ELP4: variants seen among roughly 807,000 people sequenced by gnomAD.
ELP4 encodes the protein elongator complex protein 4.
ELP4 carries 51 observed loss-of-function variants against 48.9 expected under a neutral mutation model. The ratio of observed to expected loss-of-function variants is 1.04; its 90% CI spans 0.83 to 1.32. ELP4 has a LOEUF of 1.32. Among genes scored for constraint, ELP4 ranks in the 40% most tolerant of loss-of-function variants. The probability of loss-of-function intolerance (pLI) is 0.00; values close to 1 mark genes in which losing one functional copy is unlikely to be tolerated. For synonymous variants in ELP4, 210 were observed against 189.2 expected, an observed-to-expected ratio of 1.11 and a Z score of -0.90; for missense variants, 519 against 514.6, an observed-to-expected ratio of 1.01 and a Z score of -0.08.
At chr11:31,527,570 A>G (rs1242814837) in intron 2 of ELP4, among the ~76,000 whole-genome samples, 2 of 152,060 alleles carry the variant, frequency 1.3e-5, no homozygotes, top group African/African-American at 2.4e-5. Flanking sequence ...TGTCTCTCAT[A>G]CATCCAGAAA....
rs1245259518 is a variant in ELP4, at chr11:31,650,191, TA to T, written c.1116del (p.Lys372AsnfsTer2). The T allele has an allele frequency of 6.7e-7, 1 of 1,482,982 alleles. No homozygotes were observed. The highest frequency in any genetic ancestry group is 1.7e-5 in the Admixed American group (1 of 57,724). 91.9% of individuals were successfully genotyped at this position (1,482,982 alleles called of 1,614,324 possible). On this transcript the variant is annotated frameshift_variant, in exon 9 of 10. Transcript: ENST00000640961. LOFTEE classifies it high-confidence loss of function. The stretch of plus-strand genomic sequence containing the variant: ...AATCAGATGTCAAAGACTTAGCTTT[TA>T]AATTAAAAAGGAAGCTATTCACCAT... ...DESDVKDLAF[K>X]LKRKLFTIER...
Position 31,726,643 on chromosome 11 carries a change from G to A in ELP4, c.1144-56750G>A, listed in dbSNP as rs546912198. ...AGTAACATAGAAATCCTAATGAAGG[G>A]GCAGTGGCCAAAAAGAAAAAAAAAA... is the stretch of plus-strand genomic sequence containing the variant. On this transcript the variant is annotated intron_variant, in intron 9 of 9. Coordinates refer to ENST00000640961, the MANE Select transcript of ELP4 (RefSeq NM_019040.5). Among the ~76,000 whole-genome samples the A allele has an allele frequency of 1.3e-4, 19 of 151,948 alleles. No individual in the cohort carries two copies. The South Asian group carries it at 3.9e-3, about 32-fold the overall frequency.
chr11:31,632,549 G>A (rs1944884952), intron 7 of ELP4, 144 bp downstream of exon 7: 2 of 555,500 alleles, frequency 3.6e-6, no homozygotes, highest in Non-Finnish European at 5.9e-6. Flanking sequence ...TCTTTTGTCT[G>A]TCTTTTGTCC....
At chr11:31,652,703 G>C (rs991950555) in intron 9 of ELP4, 8 of 151,758 alleles carry the variant, frequency 5.3e-5, no homozygotes, top group Non-Finnish European at 1.2e-4. Context: ...AAGTAAAAGA[G>C]TTGAATCTGA....
intron 3 of ELP4, chr11:31,580,876 C>T (rs1957378959): frequency 6.6e-6 from 1 of 152,164 alleles, no homozygotes; most frequent in African/African-American, 2.4e-5. Context: ...GTTGCCAAGG[C>T]TGGTCTATCA....
intron 3 of ELP4, among the ~76,000 whole-genome samples, chr11:31,557,102 G>A (rs1470274656): frequency 6.6e-6 from 1 of 151,780 alleles, no homozygotes; most frequent in Non-Finnish European, 1.5e-5. Context: ...AATTGATGCA[G>A]CAACAGAACA....
intron 3 of ELP4, among the ~76,000 whole-genome samples, chr11:31,550,354 A>G (rs1592108317): frequency 6.6e-6 from 1 of 152,158 alleles, no homozygotes; most frequent in Non-Finnish European, 1.5e-5. Context: ...TGATTGTATT[A>G]ATGGTTTCCA....
At chr11:31,741,329 GACAA>G (rs1947443471) in intron 9 of ELP4, among the ~76,000 whole-genome samples, 2 of 152,220 alleles carry the variant, frequency 1.3e-5, no homozygotes, top group Admixed American at 6.5e-5. Context: ...GCAGGGCACA[GACAA>G]ACAAAAAGAC....
chr11:31,621,980 G>A (rs995893292), intron 5 of ELP4, among the ~76,000 whole-genome samples: 1 of 151,810 alleles, frequency 6.6e-6, no homozygotes, highest in Non-Finnish European at 1.5e-5. Context: ...CCTCAGAATG[G>A]TCTTAAAATC....
At chr11:31,547,768 C>T (rs182604031) in intron 3 of ELP4, among the ~76,000 whole-genome samples, 2 of 152,308 alleles carry the variant, frequency 1.3e-5, no homozygotes, top group African/African-American at 2.4e-5. Context: ...TCCAGCAGCA[C>T]ATCAAAAAGC....
chr11:31,722,723 C>T (rs202174139), intron 9 of ELP4, among the ~76,000 whole-genome samples: 11 of 137,488 alleles, frequency 8.0e-5, no homozygotes, highest in African/African-American at 3.1e-4. Context: ...CTCTCTCTCT[C>T]TCTTTCTCTC....
intron 1 of ELP4, among the ~76,000 whole-genome samples, chr11:31,513,510 G>A (rs1232494060): frequency 1.3e-5 from 2 of 152,068 alleles, no homozygotes; most frequent in African/African-American, 2.4e-5. Flanking sequence ...GTAATTTTAA[G>A]CAAAATTATT....
intron 9 of ELP4, among the ~76,000 whole-genome samples, chr11:31,696,336 T>G (rs1946406009): frequency 6.6e-6 from 1 of 152,208 alleles, no homozygotes; most frequent in African/African-American, 2.4e-5. Context: ...CACACTGCTT[T>G]AAATGTGTCC....
rs574512131 is a variant in ELP4, at chr11:31,788,355, C to T, written c.*4831C>T. ...TTATTCCTTGACATGCAACATCCCC[C>T]CTCCACCCTCCAACCATCCACAACC... On this transcript the variant is annotated 3_prime_UTR_variant, in exon 10 of 10. Coordinates refer to ENST00000640961, the MANE Select transcript of ELP4 (RefSeq NM_019040.5). 2.2e-5 allele frequency: 5 copies of T among 224,216 alleles called. No homozygotes were observed. The highest frequency in any genetic ancestry group is 3.6e-5 in the Non-Finnish European group (4 of 112,492). 13.9% of individuals were successfully genotyped at this position (224,216 alleles called of 1,614,324 possible).
chr11:31,732,934 G>A (rs560490952), intron 9 of ELP4, among the ~76,000 whole-genome samples: 1 of 152,146 alleles, frequency 6.6e-6, no homozygotes, highest in African/African-American at 2.4e-5. Flanking sequence ...AACAGTGACA[G>A]AACTGAAGGG....
chr11:31,539,653 T>G lies in ELP4; in HGVS notation c.260-9T>G. 1 of 1,592,734 alleles carries G rather than the reference T, an allele frequency of 6.3e-7. No homozygotes were observed. ...ATATGTTTCTAACTGCAACTTTTCC[T>G]TTTTACAGAGGAGGATAAATATAAT... On this transcript the variant is annotated splice_polypyrimidine_tract_variant and intron_variant, in intron 2 of 9. Coordinates refer to ENST00000640961, the MANE Select transcript of ELP4 (RefSeq NM_019040.5).
At position 31,539,681 on chromosome 11, in the gene ELP4, T is replaced by G; in HGVS notation, c.279T>G (p.Ile93Met). ...VLLIEEDKYN[I>M]YSPLLFKYFL... ...TTACAGAGGAGGATAAATATAATAT[T>G]TACTCACCTTTGCTCTTCAAGTATT... is the stretch of plus-strand genomic sequence containing the variant. Residue 93 changes from isoleucine (I) to methionine (M), a missense_variant, in exon 3 of 10, where the codon ATT (isoleucine) becomes ATG (methionine). By Grantham distance (10) the Ile-to-Met change is conservative. Transcript: ENST00000640961. 6.2e-7 allele frequency: 1 copy of G among 1,607,574 alleles called. No homozygotes were observed. Among genetic ancestry groups the G allele is most frequent in the Admixed American group, 1.7e-5 (1 of 59,164 alleles).
At chr11:31,567,718 C>G (rs1252885692) in intron 3 of ELP4, among the ~76,000 whole-genome samples, 2 of 152,094 alleles carry the variant, frequency 1.3e-5, no homozygotes, top group Admixed American at 1.3e-4. Flanking sequence ...TTTTTTATTT[C>G]CCAGTGCATA....
intron 9 of ELP4, among the ~76,000 whole-genome samples, chr11:31,715,253 T>C (rs1946821759): frequency 6.6e-6 from 1 of 152,200 alleles, no homozygotes; most frequent in Non-Finnish European, 1.5e-5. Flanking sequence ...AAATTAGTCT[T>C]TGTGGACATG....
Sources: allele counts gnomAD v4.1 joint callset (sites outside exome capture counted in the v4.1 genomes callset), GRCh38; gene constraint gnomAD v4.1.1; transcripts MANE v1.5; gene names NCBI Gene and HGNC (gene_info 2026-07-23, HGNC 2026-07-21).